The following TRIM2 variants were observed in gnomAD, a reference collection of about 807,000 sequenced individuals.
TRIM2 encodes tripartite motif-containing protein 2.
Under a neutral mutation model 75.2 loss-of-function variants are expected in TRIM2, and 20 were observed. That is an observed-to-expected ratio of 0.27 (90% CI 0.19 to 0.39). TRIM2 has a LOEUF of 0.39. TRIM2 is among the 10% of genes least tolerant of loss of function. The pLI is 1.00. For missense variants in TRIM2, 660 were observed against 990.8 expected, an observed-to-expected ratio of 0.67 and a Z score of 4.48; for synonymous variants, 373 against 388.3, an observed-to-expected ratio of 0.96 and a Z score of 0.46.
intron 1 of TRIM2, among the ~76,000 whole-genome samples, chr4:153,253,330 T>C (rs992570059): frequency 5.9e-5 from 9 of 152,110 alleles, no homozygotes; most frequent in Admixed American, 1.3e-4. Context: ...CTCCCAAGCA[T>C]TGGAGCAGGT....
intron 11 of TRIM2, among the ~76,000 whole-genome samples, chr4:153,329,471 A>G (rs1213768641): frequency 2.0e-5 from 3 of 151,804 alleles, no homozygotes; most frequent in Admixed American, 6.6e-5. Context: ...ATTTTAAATC[A>G]ATGGTCTAAG....
intron 1 of TRIM2, among the ~76,000 whole-genome samples, chr4:153,224,528 A>G (rs1741604603): frequency 1.3e-5 from 2 of 152,012 alleles, no homozygotes; most frequent in African/African-American, 4.8e-5. Context: ...GTATAATCCC[A>G]TTTAGCTACC....
At chr4:153,200,712 G>T (rs72963195), upstream of TRIM2, among the ~76,000 whole-genome samples, 33,821 of 129,998 alleles carry the variant, frequency 0.26, 5,587 homozygotes, top group African/African-American at 0.51. Context: ...TTCCTTTTTA[G>T]TAAGAAAAAA....
rs200941361 is a variant in TRIM2, at chr4:153,328,658, C to T, written c.2151C>T (p.Asn717=). Residue 717 remains asparagine (N), a synonymous_variant, in exon 11 of 12, where the codon AAC becomes AAT. Transcript: ENST00000338700. ...ACATCATTGTGGCCGACTGGGGAAA[C>T]AGCAGGATCCAGGTAGATCAATGTG... ...NGNIIVADWG[N]SRIQVFDGSG... 8 of 1,611,758 alleles carry T rather than the reference C, an allele frequency of 5.0e-6. No individual in the cohort carries two copies. The highest frequency in any genetic ancestry group is 6.8e-6 in the Non-Finnish European group (8 of 1,179,178).
chr4:153,221,241 A>G (rs1474438485), intron 1 of TRIM2, among the ~76,000 whole-genome samples: 1 of 152,212 alleles, frequency 6.6e-6, no homozygotes, highest in Non-Finnish European at 1.5e-5. Flanking sequence ...GAAGCCAGAC[A>G]CAAAAGCCCA....
intron 1 of TRIM2, among the ~76,000 whole-genome samples, chr4:153,182,207 C>A (rs975831772): frequency 6.6e-6 from 1 of 152,170 alleles, no homozygotes; most frequent in African/African-American, 2.4e-5. Flanking sequence ...GTAAGAGCGC[C>A]AAGGAGGGGC....
Position 153,336,834 on chromosome 4 carries a change from T to A in TRIM2, c.*1868T>A. On this transcript the variant is annotated 3_prime_UTR_variant, in exon 12 of 12. Transcript: ENST00000338700. ...GAAGATTTACATTTAGGTTTAATAT[T>A]TTTTTAGTTAGGTAGAGTTTTAAAA... The A allele has an allele frequency of 4.1e-6, 4 of 985,564 alleles. No homozygotes were observed. The highest frequency in any genetic ancestry group is 4.8e-6 in the Non-Finnish European group (4 of 829,640). 61.1% of individuals were successfully genotyped at this position (985,564 alleles called of 1,614,324 possible).
At chr4:153,253,811 T>C (rs1402998401) in intron 1 of TRIM2, among the ~76,000 whole-genome samples, 2 of 152,142 alleles carry the variant, frequency 1.3e-5, no homozygotes, top group Non-Finnish European at 2.9e-5. Flanking sequence ...AGTTACCCTA[T>C]ATGTTCGAGA....
In TRIM2 at chr4:153,338,637, T is replaced by C. The variant is rs945137948; in HGVS notation, c.*3671T>C. On this transcript the variant is annotated 3_prime_UTR_variant, in exon 12 of 12. Coordinates refer to ENST00000338700, the MANE Select transcript of TRIM2 (RefSeq NM_015271.5). Reference sequence around the variant, plus strand: ...TATAAATAAAGAATTATTTGTTTTGTTTTCAATGACAGTAAGCTACAAATC... The same window carrying C: ...TATAAATAAAGAATTATTTGTTTTGCTTTCAATGACAGTAAGCTACAAATC... 28 of 985,610 alleles carry C rather than the reference T, an allele frequency of 2.8e-5. No homozygotes were observed. The African/African-American group carries it at 4.2e-4, about 15-fold the overall frequency. The allele number at this position is 985,610 out of a possible 1,614,324, so 61.1% of individuals were successfully genotyped here. A position where few individuals can be genotyped will look rare whatever the true frequency, so the allele number is the denominator to read the frequency against.
chr4:153,207,857 T>C (rs1735907885), intron 1 of TRIM2, among the ~76,000 whole-genome samples: 1 of 152,222 alleles, frequency 6.6e-6, no homozygotes, highest in African/African-American at 2.4e-5. Context: ...TCTATGACTT[T>C]AGATCTGACA....
chr4:153,186,145 G>T (rs1020419087), intron 1 of TRIM2, among the ~76,000 whole-genome samples: 2 of 152,154 alleles, frequency 1.3e-5, no homozygotes, highest in African/African-American at 4.8e-5. Context: ...CCACCACAAA[G>T]AATCATCTGT....
At chr4:153,334,402 T>C (rs1246516050) in intron 11 of TRIM2, among the ~76,000 whole-genome samples, 1 of 151,802 alleles carries the variant, frequency 6.6e-6, no homozygotes, top group African/African-American at 2.4e-5. Context: ...TTTCTGCTTT[T>C]TTTTTTTAAG....
At chr4:153,286,687 C>A (rs1760691721) in intron 3 of TRIM2, among the ~76,000 whole-genome samples, 1 of 152,010 alleles carries the variant, frequency 6.6e-6, no homozygotes, top group South Asian at 2.1e-4. Context: ...CACTTTCCTT[C>A]CTGATTTTTG....
At chr4:153,218,727 G>A (rs1739159838) in intron 1 of TRIM2, among the ~76,000 whole-genome samples, 1 of 152,098 alleles carries the variant, frequency 6.6e-6, no homozygotes, top group Non-Finnish European at 1.5e-5. Flanking sequence ...ATGGTCTTGA[G>A]TTGTAGCCAC....
chr4:153,247,714 A>C (rs1227691642), intron 1 of TRIM2, among the ~76,000 whole-genome samples: 2 of 148,386 alleles, frequency 1.3e-5, no homozygotes, highest in African/African-American at 4.9e-5. Context: ...GTATAGGCAT[A>C]TCTCTTCTGA....
At chr4:153,203,479 G>T (rs1734666427), upstream of TRIM2, among the ~76,000 whole-genome samples, 1 of 151,116 alleles carries the variant, frequency 6.6e-6, no homozygotes, top group Admixed American at 6.6e-5. Context: ...TGCTGACTTG[G>T]GCATACAATA....
intron 1 of TRIM2, among the ~76,000 whole-genome samples, chr4:153,227,939 T>C (rs1742596747): frequency 6.6e-6 from 1 of 152,204 alleles, no homozygotes; most frequent in African/African-American, 2.4e-5. Context: ...TCCTTATTGT[T>C]CAGCATATGT....
intron 4 of TRIM2, among the ~76,000 whole-genome samples, chr4:153,293,588 A>G (rs1762235999): frequency 6.6e-6 from 1 of 152,204 alleles, no homozygotes; most frequent in South Asian, 2.1e-4. Context: ...TCCTGCTTCC[A>G]AGTTCCTTCT....
intron 6 of TRIM2, among the ~76,000 whole-genome samples, chr4:153,313,856 C>T (rs765104097): frequency 6.6e-6 from 1 of 151,932 alleles, no homozygotes; most frequent in Non-Finnish European, 1.5e-5. Flanking sequence ...AGGCTGGTCT[C>T]GAACTCCTGA....
Sources: allele counts gnomAD v4.1 joint callset (sites outside exome capture counted in the v4.1 genomes callset), GRCh38; gene constraint gnomAD v4.1.1; transcripts MANE v1.5; gene names NCBI Gene and HGNC (gene_info 2026-07-23, HGNC 2026-07-21).